The following C16orf74 variants were observed in gnomAD, a reference collection of about 807,000 sequenced individuals.
C16orf74 encodes calcimembrin.
Under a neutral mutation model 6.5 loss-of-function variants are expected in C16orf74, and 10 were observed. The ratio of observed to expected loss-of-function variants is 1.54; its 90% CI spans 0.95 to 2.61. C16orf74 has a LOEUF of 2.61. Ranked by LOEUF, C16orf74 falls within the 30% of genes most tolerant of loss-of-function variation. The probability of loss-of-function intolerance (pLI) is 0.00; values close to 1 mark genes in which losing one functional copy is unlikely to be tolerated. For synonymous variants in C16orf74, 60 were observed against 42.5 expected, an observed-to-expected ratio of 1.41 and a Z score of -1.60; for missense variants, 141 against 105.9, an observed-to-expected ratio of 1.33 and a Z score of -1.45.
chr16:85,707,901 T>G lies in C16orf74; in HGVS notation c.*107A>C. ...TGAGCGGAGGCCCGGGTTCGCTCAG[T>G]TCCCATCCAGGGTATTCAGCACACC... On this transcript the variant is annotated 3_prime_UTR_variant, in exon 4 of 4. Transcript: ENST00000284245. 1 of 956,692 alleles carries G rather than the reference T, an allele frequency of 1.0e-6. No homozygotes were observed. Among genetic ancestry groups the G allele is most frequent in the Non-Finnish European group, 1.6e-6 (1 of 626,874 alleles). 59.3% of individuals were successfully genotyped at this position (956,692 alleles called of 1,614,324 possible). A position where few individuals can be genotyped will look rare whatever the true frequency, so the allele number is the denominator to read the frequency against.
intron 2 of C16orf74, among the ~76,000 whole-genome samples, chr16:85,733,407 G>C (rs1247463920): frequency 6.6e-6 from 1 of 152,148 alleles, no homozygotes; most frequent in African/African-American, 2.4e-5. Context: ...GGAACGGGGA[G>C]TTAGTGTTTA....
In C16orf74 at chr16:85,716,662, G is replaced by A. The variant is rs185240694; in HGVS notation, c.29-6355C>T. The stretch of plus-strand genomic sequence containing the variant: ...GGAGCAGACAAGGCAGAGGGAGAAG[G>A]AGGAGGAAGGGAAGGAGGAGGAAGG... On this transcript the variant is annotated intron_variant, in intron 2 of 3. Transcript: ENST00000284245. 1.0e-4 allele frequency among the ~76,000 whole-genome samples: 15 copies of A among 147,920 alleles called. No individual in the cohort carries two copies. The East Asian group carries it at 2.3e-3, about 22-fold the overall frequency.
chr16:85,722,215 T>A (rs1240721369), intron 2 of C16orf74, among the ~76,000 whole-genome samples: 1 of 152,018 alleles, frequency 6.6e-6, no homozygotes, highest in African/African-American at 2.4e-5. Flanking sequence ...AGTGCTGTCA[T>A]AAGGATGCAT....
rs2054431173 is a variant in C16orf74 at position 85,750,935 on chromosome 16, C to G, written c.-28G>C. 2 of 151,060 alleles carry G rather than the reference C, an allele frequency of 1.3e-5. No homozygotes were observed. The highest frequency in any genetic ancestry group is 3.0e-5 in the Non-Finnish European group (2 of 67,692). The allele number at this position is 151,060 out of a possible 1,614,324, so 9.4% of individuals were successfully genotyped here. On this transcript the variant is annotated 5_prime_UTR_variant, in exon 1 of 4. Transcript: ENST00000284245. ...GGCGCGGGGCACTCACCGCTTCCTT[C>G]TTGGTGGGCTCACTGCGGAGCCGCG...
intron 1 of C16orf74, among the ~76,000 whole-genome samples, chr16:85,737,066 G>T (rs568146600): frequency 6.6e-6 from 1 of 152,100 alleles, no homozygotes; most frequent in Non-Finnish European, 1.5e-5. Context: ...ATGTAAAAAG[G>T]GGTGAGGCAC....
At chr16:85,725,169 A>C (rs2054121175) in intron 2 of C16orf74, among the ~76,000 whole-genome samples, 1 of 152,192 alleles carries the variant, frequency 6.6e-6, no homozygotes, top group Admixed American at 6.5e-5. Flanking sequence ...CCCTCGTTTA[A>C]AACAGGCTTT....
intron 2 of C16orf74, among the ~76,000 whole-genome samples, chr16:85,723,936 G>A (rs1488477955): frequency 1.3e-5 from 2 of 152,228 alleles, no homozygotes; most frequent in Non-Finnish European, 2.9e-5. Flanking sequence ...AACTAGGCTG[G>A]TCTGCTCCCG....
intron 1 of C16orf74, among the ~76,000 whole-genome samples, chr16:85,745,621 C>G (rs1035771612): frequency 3.4e-5 from 5 of 146,194 alleles, no homozygotes; most frequent in African/African-American, 1.0e-4. Flanking sequence ...TCACTGCCTA[C>G]CAGAGACAGA....
chr16:85,708,470 T>A (rs1278426182), intron 3 of C16orf74, among the ~76,000 whole-genome samples: 1 of 152,154 alleles, frequency 6.6e-6, no homozygotes, highest in African/African-American at 2.4e-5. Context: ...GCTCTCTGAT[T>A]AGACAGTACT....
At chr16:85,731,690 CA>C (rs1394979735) in intron 2 of C16orf74, among the ~76,000 whole-genome samples, 529 of 39,426 alleles carry the variant, frequency 0.013, 3 homozygotes, top group African/African-American at 0.023. Context: ...TTTGTGATGT[CA>C]TTTTTTTTTT....
chr16:85,730,378 C>T (rs1489325074), intron 2 of C16orf74, among the ~76,000 whole-genome samples: 2 of 152,128 alleles, frequency 1.3e-5, no homozygotes, highest in African/African-American at 2.4e-5. Flanking sequence ...TAATGTAAGG[C>T]TTTGCAAGAT....
intron 2 of C16orf74, among the ~76,000 whole-genome samples, chr16:85,730,620 G>A (rs544169971): frequency 8.8e-6 from 1 of 113,754 alleles, no homozygotes; most frequent in African/African-American, 3.6e-5. Flanking sequence ...AAACCCCCAA[G>A]ACCAGCCAAG....
At position 85,723,696 on chromosome 16, in the gene C16orf74, G is replaced by C. The variant is rs1187305217; in HGVS notation, c.28+11494C>G. Reference sequence around the variant, plus strand: ...AGGATATTTACTGAAGTCCTGCTTGGGCAAGGCAGGCCGGATTTGGGTTCG... The same window carrying C: ...AGGATATTTACTGAAGTCCTGCTTGCGCAAGGCAGGCCGGATTTGGGTTCG... On this transcript the variant is annotated intron_variant, in intron 2 of 3. Coordinates refer to ENST00000284245, the MANE Select transcript of C16orf74 (RefSeq NM_206967.3). 2.0e-5 allele frequency among the ~76,000 whole-genome samples: 3 copies of C among 152,230 alleles called. No individual in the cohort carries two copies. In the East Asian group the frequency reaches 5.8e-4, roughly 29 times the overall value.
chr16:85,733,647 G>A (rs377164069), intron 2 of C16orf74, among the ~76,000 whole-genome samples: 6 of 152,146 alleles, frequency 3.9e-5, no homozygotes, highest in African/African-American at 1.4e-4. Flanking sequence ...AAGTCCTCAA[G>A]TTTCAAGGGG....
At chr16:85,727,795 C>T (rs1170826287) in intron 2 of C16orf74, among the ~76,000 whole-genome samples, 1 of 149,938 alleles carries the variant, frequency 6.7e-6, no homozygotes, top group Non-Finnish European at 1.5e-5. Context: ...GCCTGGGCAA[C>T]AGAGCCAGGC....
In C16orf74 at chr16:85,725,864, G is replaced by A. The variant is rs551498325; in HGVS notation, c.28+9326C>T. 9.2e-5 allele frequency among the ~76,000 whole-genome samples: 14 copies of A among 152,076 alleles called. No individual in the cohort carries two copies. In the South Asian group the frequency reaches 2.5e-3, roughly 27 times the overall value. On this transcript the variant is annotated intron_variant, in intron 2 of 3. Transcript: ENST00000284245. ...AGCAATCTGCCCACCTTGGCTTTCCGAAGTGCTGGCCTGTATTACCGCACC... is the reference window on the plus strand; with the variant it reads ...AGCAATCTGCCCACCTTGGCTTTCCAAAGTGCTGGCCTGTATTACCGCACC...
intron 2 of C16orf74, among the ~76,000 whole-genome samples, chr16:85,728,018 A>C (rs67517952): frequency 0.41 from 60,208 of 148,440 alleles, 12,788 homozygotes; most frequent in East Asian, 0.7. Flanking sequence ...GTACACCTAT[A>C]CTCCAGCTGC....
rs150985095 is a variant in C16orf74, at chr16:85,708,383, G to C, written c.173-317C>G. Among the ~76,000 whole-genome samples, 427 of 152,326 alleles carry C rather than the reference G, an allele frequency of 2.8e-3. 3 individuals carry two copies. The highest frequency in any genetic ancestry group is 1.0e-2 in the African/African-American group (415 of 41,578). On this transcript the variant is annotated intron_variant, in intron 3 of 3. Coordinates refer to ENST00000284245, the MANE Select transcript of C16orf74 (RefSeq NM_206967.3). Reference sequence around the variant, plus strand: ...AAGGTGGTATGATCCCATTTTATAGGTGAGGACACAGGCTCAGAGAGGGAA... The same window carrying C: ...AAGGTGGTATGATCCCATTTTATAGCTGAGGACACAGGCTCAGAGAGGGAA...
intron 2 of C16orf74, among the ~76,000 whole-genome samples, chr16:85,728,966 G>C (rs531329130): frequency 6.6e-6 from 1 of 152,306 alleles, no homozygotes; most frequent in East Asian, 1.9e-4. Context: ...TGATCCAGTG[G>C]GTCCTGAGAA....
Sources: gnomAD v4.1 joint callset for allele counts (sites outside exome capture counted in the v4.1 genomes callset) on GRCh38, gnomAD v4.1.1 for gene constraint, MANE v1.5 for transcripts, NCBI Gene and HGNC (gene_info 2026-07-23, HGNC 2026-07-21) for gene names.